The following ZMYND8 variants were observed in gnomAD, a reference collection of about 807,000 sequenced individuals.
The protein encoded by ZMYND8 is MYND-type zinc finger-containing chromatin reader ZMYND8.
A neutral mutation model predicts 140.8 loss-of-function variants in ZMYND8; 37 were observed. The observed-to-expected ratio is 0.26, with a 90% confidence interval of 0.20 to 0.35. ZMYND8 has a LOEUF of 0.35. ZMYND8 is among the 10% of genes least tolerant of loss of function. The pLI is 1.00. For synonymous variants in ZMYND8, 592 were observed against 597.1 expected, an observed-to-expected ratio of 0.99 and a Z score of 0.12; for missense variants, 1,068 against 1,570.0, an observed-to-expected ratio of 0.68 and a Z score of 5.40.
rs1157690316 is a variant in ZMYND8, at chr20:47,276,352, G to A, written c.1442C>T (p.Ala481Val). ...EKKATSSHFS[A>V]SEESMDFLDK... ...CAGGAAGTCCATGGACTCCTCGCTC[G>A]CACTGAAGTGGCTCGACGTGGCCTT... Residue 481 changes from alanine to valine, a missense_variant, in exon 11 of 23, where the codon GCG becomes GTG. Around this residue, in one of 10 missense-constraint regions of ZMYND8, gnomAD observed 173 missense variants for 223.3 expected, o/e 0.77. Coordinates refer to ENST00000471951, the MANE Select transcript of ZMYND8 (RefSeq NM_001281775.3). 4 of 1,594,694 alleles carry A rather than the reference G, an allele frequency of 2.5e-6. No individual in the cohort carries two copies. The highest frequency in any genetic ancestry group is 3.4e-6 in the Non-Finnish European group (4 of 1,166,076).
chr20:47,222,696 A>G (rs1306023821), intron 19 of ZMYND8, among the ~76,000 whole-genome samples: 1 of 152,194 alleles, frequency 6.6e-6, no homozygotes, highest in Non-Finnish European at 1.5e-5. Context: ...GAAAACACAA[A>G]GAGACTTTAC....
intron 12 of ZMYND8, among the ~76,000 whole-genome samples, chr20:47,261,420 C>G (rs2075140370): frequency 6.6e-6 from 1 of 151,874 alleles, no homozygotes; most frequent in Admixed American, 6.6e-5. Flanking sequence ...GGCCTGTAGT[C>G]CTAGCTACTC....
intron 3 of ZMYND8, among the ~76,000 whole-genome samples, chr20:47,308,281 T>C (rs2078659693): frequency 1.3e-5 from 2 of 149,534 alleles, no homozygotes; most frequent in Non-Finnish European, 3.0e-5. Flanking sequence ...TGCAATTATA[T>C]GATCTCAGCT....
intron 22 of ZMYND8, among the ~76,000 whole-genome samples, chr20:47,211,099 G>A (rs187545331): frequency 7.9e-5 from 12 of 152,090 alleles, no homozygotes; most frequent in East Asian, 1.9e-4. Context: ...AGGATTTAAC[G>A]ACAACCGGTT....
At chr20:47,295,818 T>G (rs1247145858) in intron 4 of ZMYND8, among the ~76,000 whole-genome samples, 1 of 152,216 alleles carries the variant, frequency 6.6e-6, no homozygotes, top group Non-Finnish European at 1.5e-5. Flanking sequence ...TCTTAAGGCT[T>G]CAGAATCCTT....
At chr20:47,279,757 C>CTT (rs11476452) in intron 10 of ZMYND8, among the ~76,000 whole-genome samples, 52 of 143,262 alleles carry the variant, frequency 3.6e-4, no homozygotes, top group African/African-American at 1.1e-3. Flanking sequence ...TTGGTGTCCG[C>CTT]TTTTTTTTTT....
chr20:47,325,935 CT>C (rs1444395336), intron 2 of ZMYND8, among the ~76,000 whole-genome samples: 3 of 151,966 alleles, frequency 2.0e-5, no homozygotes, highest in African/African-American at 7.2e-5. Flanking sequence ...CCACACCCAG[CT>C]AATTTTATTT....
At position 47,210,318 on chromosome 20, in the gene ZMYND8, G is replaced by A. The variant is rs150787880; in HGVS notation, c.*443C>T. On this transcript the variant is annotated 3_prime_UTR_variant, in exon 23 of 23. Transcript: ENST00000471951. ...GGACGTGAGTATGAAAGTGGTCCCC[G>A]GGCCCAGTATCCATTCCGTCGTGTG... 571 of 164,942 alleles carry A rather than the reference G, an allele frequency of 3.5e-3. No individual in the cohort carries two copies. The highest frequency in any genetic ancestry group is 5.4e-3 in the Non-Finnish European group (412 of 75,804). 10.2% of individuals were successfully genotyped at this position (164,942 alleles called of 1,614,324 possible).
At chr20:47,255,824 G>GTA (rs531220424) in intron 12 of ZMYND8, among the ~76,000 whole-genome samples, 4,616 of 132,618 alleles carry the variant, frequency 0.035, 212 homozygotes, top group African/African-American at 0.098. Context: ...ATATTTGTAT[G>GTA]TATATATATA....
At chr20:47,340,596 C>G (rs528737761) in intron 2 of ZMYND8, among the ~76,000 whole-genome samples, 1 of 151,752 alleles carries the variant, frequency 6.6e-6, no homozygotes, top group African/African-American at 2.4e-5. Flanking sequence ...GAGTTCGAGA[C>G]CAGCCTGGCC....
intron 12 of ZMYND8, among the ~76,000 whole-genome samples, chr20:47,255,446 C>A (rs1289466626): frequency 6.6e-6 from 1 of 150,918 alleles, no homozygotes; most frequent in Non-Finnish European, 1.5e-5. Context: ...TGGTAGCTCA[C>A]ACCTGTAATC....
chr20:47,253,817 A>G (rs950854846), intron 12 of ZMYND8, among the ~76,000 whole-genome samples: 50 of 152,248 alleles, frequency 3.3e-4, no homozygotes, highest in Admixed American at 2.0e-3. Context: ...TTAGCCTAAA[A>G]AGACTGAGCA....
chr20:47,345,997 G>A (rs1336925808), intron 2 of ZMYND8, among the ~76,000 whole-genome samples: 2 of 152,162 alleles, frequency 1.3e-5, no homozygotes, highest in Non-Finnish European at 2.9e-5. Context: ...CTGCTGAAGG[G>A]TGAGGATGGG....
intron 2 of ZMYND8, among the ~76,000 whole-genome samples, chr20:47,324,699 C>T (rs1480637837): frequency 6.6e-6 from 1 of 152,012 alleles, no homozygotes; most frequent in Non-Finnish European, 1.5e-5. Context: ...CTTTCAGCTC[C>T]TTAGACAAGC....
intron 14 of ZMYND8, among the ~76,000 whole-genome samples, chr20:47,244,524 G>A (rs1322044198): frequency 6.6e-6 from 1 of 152,158 alleles, no homozygotes; most frequent in African/African-American, 2.4e-5. Flanking sequence ...TAGGCTGTGG[G>A]GTAGTCACTG....
At chr20:47,337,878 TACTC>T (rs1222269908) in intron 2 of ZMYND8, among the ~76,000 whole-genome samples, 1 of 152,116 alleles carries the variant, frequency 6.6e-6, no homozygotes. Flanking sequence ...GCTTGGGAAT[TACTC>T]AGTTAATAAG....
intron 16 of ZMYND8, 66 bp downstream of exon 16, chr20:47,236,260 G>T: frequency 6.2e-7 from 1 of 1,602,238 alleles, no homozygotes; most frequent in South Asian, 1.1e-5. Context: ...TTCCCCTCGG[G>T]AGACCAAGAT....
intron 2 of ZMYND8, among the ~76,000 whole-genome samples, chr20:47,333,485 C>A (rs2081117417): frequency 6.6e-6 from 1 of 152,086 alleles, no homozygotes; most frequent in African/African-American, 2.4e-5. Flanking sequence ...AATCCCAACA[C>A]TTTGGGAGGC....
At chr20:47,219,392 G>T (rs62201442) in intron 21 of ZMYND8, among the ~76,000 whole-genome samples, 39,194 of 151,330 alleles carry the variant, frequency 0.26, 6,464 homozygotes, top group Non-Finnish European at 0.37. Context: ...CAGGCATGGT[G>T]GTGCGTCCCT....
Sources: gnomAD v4.1 joint callset for allele counts (sites outside exome capture counted in the v4.1 genomes callset) on GRCh38, gnomAD v4.1.1 for gene constraint, gnomAD v4.1.1 regional missense constraint, MANE v1.5 for transcripts, NCBI Gene and HGNC (gene_info 2026-07-23, HGNC 2026-07-21) for gene names.